USP49: variants seen among roughly 807,000 people sequenced by gnomAD.
USP49 encodes ubiquitin carboxyl-terminal hydrolase 49.
A neutral mutation model predicts 58.6 loss-of-function variants in USP49; 24 were observed. The observed-to-expected ratio is 0.41, with a 90% CI of 0.30 to 0.58. USP49 has a LOEUF of 0.58. Among genes scored for constraint, USP49 ranks in the 20% least tolerant of loss-of-function variants. The probability of loss-of-function intolerance (pLI) is 0.30; values close to 1 mark genes in which losing one functional copy is unlikely to be tolerated. For missense variants in USP49, 703 were observed against 866.1 expected (o/e 0.81, Z 2.36); for synonymous variants, 408 against 365.1 (o/e 1.12, Z -1.34).
intron 2 of USP49, among the ~76,000 whole-genome samples, chr6:41,883,895 G>GCAAGA (rs985401332): frequency 1.3e-5 from 2 of 152,120 alleles, no homozygotes; most frequent in African/African-American, 4.8e-5. Context: ...ATGGACATGT[G>GCAAGA]CAAGACTGTT....
intron 3 of USP49, among the ~76,000 whole-genome samples, chr6:41,820,979 G>A (rs1360416464): frequency 6.6e-6 from 1 of 151,940 alleles, no homozygotes; most frequent in Non-Finnish European, 1.5e-5. Flanking sequence ...CCAGGCCTGG[G>A]CAAGAGAGCA....
At chr6:41,861,519 C>A (rs1158739552) in intron 3 of USP49, among the ~76,000 whole-genome samples, 1 of 152,136 alleles carries the variant, frequency 6.6e-6, no homozygotes, top group East Asian at 1.9e-4. Context: ...TGCTTTCTGT[C>A]TCCAGTAGCT....
intron 3 of USP49, among the ~76,000 whole-genome samples, chr6:41,870,517 TCAAAC>T (rs1189363740): frequency 1.3e-5 from 2 of 152,010 alleles, no homozygotes; most frequent in African/African-American, 4.8e-5. Context: ...AAACTTAAAG[TCAAAC>T]CTTTTACTGA....
chr6:41,800,180 A>G (rs1343438902), intron 5 of USP49, among the ~76,000 whole-genome samples: 2 of 152,204 alleles, frequency 1.3e-5, no homozygotes, highest in Non-Finnish European at 2.9e-5. Flanking sequence ...CTCTGCTTAG[A>G]CAGGGCTGAC....
intron 3 of USP49, chr6:41,832,902 C>T (rs539972869): frequency 6.6e-6 from 1 of 152,240 alleles, no homozygotes; most frequent in Non-Finnish European, 1.5e-5. Context: ...GCTGGGTGTC[C>T]AAAGATCAGT....
chr6:41,800,212 T>G (rs1055419592), intron 5 of USP49, among the ~76,000 whole-genome samples: 2 of 152,324 alleles, frequency 1.3e-5, no homozygotes, highest in African/African-American at 4.8e-5. Flanking sequence ...GCACATCCCT[T>G]TGGCCTTCCC....
Position 41,802,456 on chromosome 6 carries a change from A to ATTTTTTTTTTT in USP49, c.1561+1349_1561+1350insAAAAAAAAAAA. Among the ~76,000 whole-genome samples, 18 of 70,280 alleles carry ATTTTTTTTTTT rather than the reference A, an allele frequency of 2.6e-4. 3 individuals are homozygous for ATTTTTTTTTTT. The highest frequency in any genetic ancestry group is 8.0e-4 in the South Asian group (2 of 2,496). The allele number at this position is 70,280 out of a possible 152,430, so 46.1% of individuals were successfully genotyped here. A position where few individuals can be genotyped will look rare whatever the true frequency, so the allele number is the denominator to read the frequency against. On this transcript the variant is annotated intron_variant, in intron 5 of 7. Coordinates refer to ENST00000682992, the MANE Select transcript of USP49 (RefSeq NM_001286554.2). ...TATTTATTTATTTATTTATTTATTT[A>ATTTTTTTTTTT]TTTATTTATTTATTTTTTATTTATT...
intron 3 of USP49, among the ~76,000 whole-genome samples, chr6:41,851,970 A>AG (rs1289268828): frequency 6.6e-6 from 1 of 150,596 alleles, no homozygotes; most frequent in Non-Finnish European, 1.5e-5. Context: ...AAAAAAAAAA[A>AG]AAAAAAGAAA....
chr6:41,853,134 C>T (rs1039045098), intron 3 of USP49, among the ~76,000 whole-genome samples: 1 of 151,952 alleles, frequency 6.6e-6, no homozygotes, highest in Non-Finnish European at 1.5e-5. Context: ...TGCAATGAGC[C>T]GAGATGGCGC....
intron 3 of USP49, among the ~76,000 whole-genome samples, chr6:41,807,328 G>C (rs532299530): frequency 4.6e-5 from 7 of 152,182 alleles, no homozygotes; most frequent in Non-Finnish European, 7.3e-5. Context: ...TCAATTTTAG[G>C]TCGATTGCAA....
Position 41,806,118 on chromosome 6 carries a change from G to A in USP49, c.866C>T (p.Thr289Met), listed in dbSNP as rs751219308. ...ECFLNLDPSK[T>M]EHLFPKATNG... The stretch of plus-strand genomic sequence containing the variant: ...GGTGGCTTTGGGAAACAGATGTTCC[G>A]TTTTGGAAGGGTCAAGGTTGAGGAA... Residue 289 changes from threonine (T) to methionine (M), a missense_variant, in exon 4 of 8, where the codon ACG becomes ATG. By Grantham distance (81) the Thr-to-Met change is moderately conservative (BLOSUM62 -1). Around this residue, in one of 6 missense-constraint regions of USP49, gnomAD observed 97 missense variants for 88.0 expected, o/e 1.10. Transcript: ENST00000682992. This position sits in a 1 kb window ranked among gnomAD's most constrained non-coding sequence, Gnocchi z 5.9. 1 of 1,613,962 alleles carries A rather than the reference G, an allele frequency of 6.2e-7. No homozygotes were observed.
At chr6:41,894,183 A>G (rs555883640) in intron 1 of USP49, 1 of 149,170 alleles carries the variant, frequency 6.7e-6, no homozygotes, top group South Asian at 2.1e-4. Flanking sequence ...TCCTCTCACC[A>G]TTTGCTTTTA....
chr6:41,798,807 T>C lies in USP49; in HGVS notation c.1793A>G (p.Tyr598Cys), dbSNP rs78305894. ...ATGCATGACCACTGCGGAGAGATCA[T>C]AGGCAAAGGTCTCTTTGTCAAGAGA... ...LSSLDKETFA[Y>C]DLSAVVMHHG... The change falls in exon 7 of 8, where the codon TAT becomes TGT. Residue 598 changes from tyrosine to cysteine, a missense_variant. By Grantham distance (194) the Tyr-to-Cys change is radical. This residue lies in a region of USP49 where 158 missense variants were observed against 241.2 expected (regional missense o/e 0.66). Transcript: ENST00000682992. The C allele has an allele frequency of 2.5e-6, 4 of 1,613,948 alleles. No individual in the cohort carries two copies. Among genetic ancestry groups the C allele is most frequent in the Middle Eastern group, 1.6e-4 (1 of 6,062 alleles).
intron 3 of USP49, among the ~76,000 whole-genome samples, chr6:41,844,704 T>C (rs984021245): frequency 7.2e-5 from 11 of 152,178 alleles, no homozygotes; most frequent in African/African-American, 2.7e-4. Flanking sequence ...TACACACAAT[T>C]ACCAACTACA....
chr6:41,839,909 G>A (rs1281133239), intron 3 of USP49, among the ~76,000 whole-genome samples: 2 of 151,952 alleles, frequency 1.3e-5, no homozygotes, highest in Non-Finnish European at 2.9e-5. Flanking sequence ...TAGGTGATGG[G>A]TGCACCAAAA....
At chr6:41,842,026 C>T (rs1431665209) in intron 3 of USP49, among the ~76,000 whole-genome samples, 1 of 152,054 alleles carries the variant, frequency 6.6e-6, no homozygotes, top group Non-Finnish European at 1.5e-5. Flanking sequence ...CACTGCACTC[C>T]AGCCTGGGTG....
intron 3 of USP49, among the ~76,000 whole-genome samples, chr6:41,870,396 G>A (rs376422356): frequency 1.3e-5 from 2 of 152,176 alleles, no homozygotes; most frequent in African/African-American, 4.8e-5. Context: ...TATACTTATA[G>A]ACTCTGGGAG....
chr6:41,814,689 C>T lies in USP49; in HGVS notation c.-28-7678G>A, dbSNP rs1304633390. Among the ~76,000 whole-genome samples the T allele has an allele frequency of 2.6e-5, 4 of 152,082 alleles. 1 individual carries two copies. Among genetic ancestry groups the T allele is most frequent in the East Asian group, 3.9e-4 (2 of 5,188 alleles). ...CTTTAGAGAGAATTCCATTTCTTCT[C>T]GCTCTCTCATCATATTGATTTCTCC... On this transcript the variant is annotated intron_variant, in intron 3 of 7. Coordinates refer to ENST00000682992, the MANE Select transcript of USP49 (RefSeq NM_001286554.2).
At chr6:41,804,112 T>C in intron 4 of USP49, 102 bp from the exon 5 acceptor site, 2 of 1,008,844 alleles carry the variant, frequency 2.0e-6, no homozygotes, top group South Asian at 3.5e-5. Flanking sequence ...ACTAAGTGTA[T>C]AATTTTCAAA....
Sources: gnomAD v4.1 joint callset for allele counts (sites outside exome capture counted in the v4.1 genomes callset) on GRCh38, gnomAD v4.1.1 for gene constraint, gnomAD v4.1.1 regional missense constraint, Gnocchi (gnomAD v3.1) non-coding constraint, MANE v1.5 for transcripts, NCBI Gene and HGNC (gene_info 2026-07-23, HGNC 2026-07-21) for gene names.